HDAC9: variants seen among roughly 807,000 people sequenced by gnomAD.
HDAC9 encodes histone deacetylase 9.
A neutral mutation model predicts 139.4 loss-of-function variants in HDAC9; 41 were observed. That is an observed-to-expected ratio of 0.29 (90% CI 0.23 to 0.38). HDAC9 has a LOEUF of 0.38. Ranked by LOEUF, HDAC9 falls within the 10% of genes least tolerant of loss-of-function variation. The pLI, the probability that HDAC9 is intolerant of heterozygous loss-of-function variation, is 1.00. For synonymous variants in HDAC9, 517 were observed against 476.2 expected, an observed-to-expected ratio of 1.09 and a Z score of -1.12; for missense variants, 1,147 against 1,297.0, an observed-to-expected ratio of 0.88 and a Z score of 1.78.
At chr7:18,162,727 G>A (rs954947475) in intron 2 of HDAC9, 1 of 170,820 alleles carries the variant, frequency 5.9e-6, no homozygotes, top group African/African-American at 2.4e-5. Context: ...TGGGGCTTTG[G>A]AAGTCAGTTT....
chr7:18,374,636 C>A (rs930730380), intron 1 of HDAC9, among the ~76,000 whole-genome samples: 3 of 151,950 alleles, frequency 2.0e-5, no homozygotes, highest in African/African-American at 7.3e-5. Flanking sequence ...CCATAAAAAT[C>A]TTATGGGACC....
intron 6 of HDAC9, among the ~76,000 whole-genome samples, chr7:18,594,813 A>G (rs754799216): frequency 6.6e-6 from 1 of 152,086 alleles, no homozygotes; most frequent in Non-Finnish European, 1.5e-5. Flanking sequence ...TTTGCCAAAT[A>G]TAGTTCTTTA....
intron 1 of HDAC9, among the ~76,000 whole-genome samples, chr7:18,296,146 G>A (rs1043968450): frequency 2.0e-5 from 3 of 152,066 alleles, no homozygotes; most frequent in Non-Finnish European, 4.4e-5. Context: ...GTGTACTCAC[G>A]TGAATTACCT....
chr7:18,319,636 T>C (rs1421277479), intron 1 of HDAC9, among the ~76,000 whole-genome samples: 1 of 152,238 alleles, frequency 6.6e-6, no homozygotes, highest in African/African-American at 2.4e-5. Context: ...ATATATTGCT[T>C]GTAATTTAGC....
At chr7:18,906,875 A>C (rs758937631) in intron 22 of HDAC9, 3 of 152,218 alleles carry the variant, frequency 2.0e-5, no homozygotes, top group African/African-American at 2.4e-5. Flanking sequence ...CCATGAGTAC[A>C]CTGCACTTTT....
chr7:18,329,237 C>T (rs1208310003), intron 1 of HDAC9, among the ~76,000 whole-genome samples: 1 of 151,280 alleles, frequency 6.6e-6, no homozygotes, highest in African/African-American at 2.4e-5. Flanking sequence ...TCAAAGGGTA[C>T]AAAATTTTAG....
intron 1 of HDAC9, among the ~76,000 whole-genome samples, chr7:18,108,999 G>A (rs1248214421): frequency 2.0e-5 from 3 of 152,136 alleles, no homozygotes; most frequent in Non-Finnish European, 4.4e-5. Context: ...GCCTCTCTGC[G>A]AAACATGTAT....
chr7:18,604,405 G>C (rs1834837662), intron 6 of HDAC9, among the ~76,000 whole-genome samples: 1 of 151,168 alleles, frequency 6.6e-6, no homozygotes, highest in African/African-American at 2.4e-5. Flanking sequence ...GAGCACATTT[G>C]GACCTTTTTT....
chr7:18,152,128 C>T (rs1786826098), intron 1 of HDAC9, among the ~76,000 whole-genome samples: 1 of 151,276 alleles, frequency 6.6e-6, no homozygotes, highest in Non-Finnish European at 1.5e-5. Context: ...AAGAAAATAG[C>T]TATCAGGGCT....
chr7:18,389,700 AAG>A (rs1408416713), intron 1 of HDAC9, among the ~76,000 whole-genome samples: 3 of 152,218 alleles, frequency 2.0e-5, no homozygotes. Context: ...CATAAGCAAA[AAG>A]AAAATGTTTA....
chr7:18,494,207 A>G (rs1796589670), upstream of HDAC9, among the ~76,000 whole-genome samples: 1 of 152,076 alleles, frequency 6.6e-6, no homozygotes. Context: ...TTACATATCC[A>G]AATACAATTT....
chr7:18,168,170 G>A (rs1375807654), intron 2 of HDAC9, among the ~76,000 whole-genome samples: 1 of 152,134 alleles, frequency 6.6e-6, no homozygotes, highest in African/African-American at 2.4e-5. Context: ...CTTAATTAGT[G>A]TTTAAAAATA....
chr7:18,554,852 A>C (rs1818314679), intron 2 of HDAC9, among the ~76,000 whole-genome samples: 1 of 152,136 alleles, frequency 6.6e-6, no homozygotes, highest in Admixed American at 6.5e-5. Flanking sequence ...CATCTCTGTC[A>C]CTGTCTTCTA....
Position 18,522,750 on chromosome 7 carries a change from T to C in HDAC9, c.22+26426T>C, listed in dbSNP as rs114317896. On this transcript the variant is annotated intron_variant, in intron 2 of 25. Transcript: ENST00000686413. Reference sequence around the variant, plus strand: ...CATGATATGTCTTAAGAAGGATTAATAACATTCAGTGACCATTAAGTGCTA... The same window carrying C: ...CATGATATGTCTTAAGAAGGATTAACAACATTCAGTGACCATTAAGTGCTA... Among the ~76,000 whole-genome samples the C allele has an allele frequency of 4.7e-3, 719 of 152,316 alleles. 5 individuals are homozygous for C. Among genetic ancestry groups the C allele is most frequent in the African/African-American group, 0.016 (682 of 41,570 alleles).
At chr7:18,990,843 A>C (rs1380462520) in intron 25 of HDAC9, among the ~76,000 whole-genome samples, 1 of 152,198 alleles carries the variant, frequency 6.6e-6, no homozygotes, top group East Asian at 1.9e-4. Flanking sequence ...TTGACTAGGA[A>C]AGAGAACTCC....
At chr7:18,857,075 CA>C (rs1472730270) in intron 21 of HDAC9, among the ~76,000 whole-genome samples, 6 of 152,132 alleles carry the variant, frequency 3.9e-5, no homozygotes, top group African/African-American at 1.4e-4. Flanking sequence ...TGTCATGTTT[CA>C]ACTTCATTTA....
intron 8 of HDAC9, among the ~76,000 whole-genome samples, chr7:18,643,246 A>G (rs934801224): frequency 3.9e-5 from 6 of 152,126 alleles, no homozygotes; most frequent in Non-Finnish European, 7.4e-5. Context: ...TAAAATTGCA[A>G]CCCCACACAT....
chr7:18,795,466 G>A (rs2129180760), intron 17 of HDAC9, among the ~76,000 whole-genome samples: 1 of 152,222 alleles, frequency 6.6e-6, no homozygotes, highest in South Asian at 2.1e-4. Flanking sequence ...ATTTGCAAAT[G>A]AAAAGTGGAT....
chr7:18,464,218 T>C (rs980466878), intron 1 of HDAC9, among the ~76,000 whole-genome samples: 2 of 151,982 alleles, frequency 1.3e-5, no homozygotes, highest in African/African-American at 4.8e-5. Context: ...TCTATATCTT[T>C]ATATTTAAAA....
Sources: gnomAD v4.1 joint callset for allele counts (sites outside exome capture counted in the v4.1 genomes callset) on GRCh38, gnomAD v4.1.1 for gene constraint, MANE v1.5 for transcripts, NCBI Gene and HGNC (gene_info 2026-07-23, HGNC 2026-07-21) for gene names.